The following LRRC40 variants were observed in gnomAD, a reference collection of about 807,000 sequenced individuals.
LRRC40 encodes the protein leucine-rich repeat-containing protein 40.
A neutral mutation model predicts 72.8 loss-of-function variants in LRRC40; 76 were observed. The observed-to-expected ratio is 1.04, with a 90% CI of 0.87 to 1.26. The LOEUF (loss-of-function observed/expected upper bound fraction) is 1.26, where lower values mean the gene tolerates loss of function less well. LRRC40 is among the 50% of genes most tolerant of loss of function. The pLI, the probability that LRRC40 is intolerant of heterozygous loss-of-function variation, is 0.00. For missense variants in LRRC40, 684 were observed against 698.9 expected (o/e 0.98, Z 0.24); for synonymous variants, 243 against 254.2 (o/e 0.96, Z 0.42).
At chr1:70,192,169 T>C (rs1433828651) in intron 1 of LRRC40, among the ~76,000 whole-genome samples, 1 of 152,148 alleles carries the variant, frequency 6.6e-6, no homozygotes, top group African/African-American at 2.4e-5. Context: ...TAATTCTCAT[T>C]GTAGAGATCT....
intron 1 of LRRC40, among the ~76,000 whole-genome samples, chr1:70,204,776 A>G (rs1408913679): frequency 1.3e-5 from 2 of 151,102 alleles, no homozygotes; most frequent in Non-Finnish European, 2.9e-5. Flanking sequence ...TCAGAAGAGC[A>G]TCTGGCCATT....
intron 11 of LRRC40, among the ~76,000 whole-genome samples, chr1:70,154,555 G>A (rs1318687825): frequency 6.6e-6 from 1 of 152,148 alleles, no homozygotes; most frequent in Non-Finnish European, 1.5e-5. Context: ...ATGGATTAGA[G>A]ATCCCTTTTG....
intron 11 of LRRC40, among the ~76,000 whole-genome samples, chr1:70,154,811 C>T (rs1005646598): frequency 1.3e-5 from 2 of 151,918 alleles, no homozygotes; most frequent in African/African-American, 4.8e-5. Flanking sequence ...TAGTTAAATG[C>T]TTTGTGTGGA....
chr1:70,193,783 C>T (rs942543412), intron 1 of LRRC40, among the ~76,000 whole-genome samples: 2 of 151,982 alleles, frequency 1.3e-5, no homozygotes, highest in Admixed American at 1.3e-4. Flanking sequence ...CTTAGGACTG[C>T]AAGGCTGGTT....
At chr1:70,147,497 T>C (rs947594521) in intron 14 of LRRC40, among the ~76,000 whole-genome samples, 8 of 152,186 alleles carry the variant, frequency 5.3e-5, no homozygotes, top group African/African-American at 1.9e-4. Context: ...AGTATCTTAC[T>C]ACAGAAACAC....
At chr1:70,151,048 T>G (rs1471911251) in intron 13 of LRRC40, 80 bp downstream of exon 13, 1 of 765,066 alleles carries the variant, frequency 1.3e-6, no homozygotes, top group Non-Finnish European at 2.2e-6. Flanking sequence ...GCCTTTTTGT[T>G]TTTTTGGCTT....
At chr1:70,200,673 T>C (rs1668717638) in intron 1 of LRRC40, among the ~76,000 whole-genome samples, 1 of 152,212 alleles carries the variant, frequency 6.6e-6, no homozygotes, top group Non-Finnish European at 1.5e-5. Flanking sequence ...TAGAACTATA[T>C]CTGGAAGAAA....
rs373673198 is a variant in LRRC40, at chr1:70,178,983, A to G, written c.672T>C (p.His224=). The part of the protein sequence containing the change: ...AEINRMKRLK[H]LDCNSNLLET... ...CCAAGAGATTTGAATTACAATCCAA[A>G]TGCTTCAACCCTGTAATATATATTC... The change falls in exon 6 of 15, where the codon CAT becomes CAC. Residue 224 remains histidine, a synonymous_variant. Transcript: ENST00000370952. 145 of 1,595,448 alleles carry G rather than the reference A, an allele frequency of 9.1e-5. No individual in the cohort carries two copies. The highest frequency in any genetic ancestry group is 1.1e-4 in the Non-Finnish European group (134 of 1,169,042).
chr1:70,175,389 T>C (rs1668079905), intron 7 of LRRC40, among the ~76,000 whole-genome samples: 1 of 152,200 alleles, frequency 6.6e-6, no homozygotes, highest in Admixed American at 6.5e-5. Context: ...AGATTCTGAT[T>C]CATTAGCGTC....
Position 70,145,774 on chromosome 1 carries a change from G to A in LRRC40, c.*26C>T. 1 of 1,204,568 alleles carries A rather than the reference G, an allele frequency of 8.3e-7. No homozygotes were observed. The highest frequency in any genetic ancestry group is 1.2e-6 in the Non-Finnish European group (1 of 809,724). The allele number at this position is 1,204,568 out of a possible 1,614,324, so 74.6% of individuals were successfully genotyped here. A position where few individuals can be genotyped will look rare whatever the true frequency, so the allele number is the denominator to read the frequency against. On this transcript the variant is annotated 3_prime_UTR_variant, in exon 15 of 15. Coordinates refer to ENST00000370952, the MANE Select transcript of LRRC40 (RefSeq NM_017768.5). ...GAATTAACCAGGGTTAATAATACAT[G>A]ACAAGGGTTATAAAGCAACTCCATG...
rs115034977 is a variant in LRRC40, at chr1:70,149,921, A to T, written c.1517+1207T>A. 8.1e-3 allele frequency among the ~76,000 whole-genome samples: 1,227 copies of T among 152,022 alleles called. 17 individuals are homozygous for T. The highest frequency in any genetic ancestry group is 0.028 in the African/African-American group (1,156 of 41,478). On this transcript the variant is annotated intron_variant, in intron 13 of 14. Transcript: ENST00000370952. Reference sequence around the variant, plus strand: ...ATTAGCTGCTAATATTTTATTTTTTAAATTTTATTTATTTTTTGAGACAGA... The same window carrying T: ...ATTAGCTGCTAATATTTTATTTTTTTAATTTTATTTATTTTTTGAGACAGA...
chr1:70,177,047 A>G (rs1668122105), intron 6 of LRRC40, among the ~76,000 whole-genome samples: 1 of 152,158 alleles, frequency 6.6e-6, no homozygotes, highest in African/African-American at 2.4e-5. Context: ...AGGTGGAGAC[A>G]GGCGGATCAC....
intron 2 of LRRC40, among the ~76,000 whole-genome samples, chr1:70,187,799 C>A (rs1392874195): frequency 6.9e-6 from 1 of 145,494 alleles, no homozygotes; most frequent in Admixed American, 6.9e-5. Context: ...CCACTGCACT[C>A]CAGCCTGGGC....
At chr1:70,170,155 C>T (rs568351713) in intron 9 of LRRC40, among the ~76,000 whole-genome samples, 4 of 152,038 alleles carry the variant, frequency 2.6e-5, no homozygotes, top group African/African-American at 4.8e-5. Flanking sequence ...TTAAATCACA[C>T]GACCATCTCA....
rs193090296 is a variant in LRRC40, at chr1:70,175,520, T to C, written c.977+290A>G. 4.6e-5 allele frequency among the ~76,000 whole-genome samples: 7 copies of C among 152,240 alleles called. No individual in the cohort carries two copies. In the East Asian group the frequency reaches 1.2e-3, roughly 25 times the overall value. On this transcript the variant is annotated intron_variant, in intron 7 of 14. Transcript: ENST00000370952. ...CATTCCAGCGTTCTTAGAATTTAGT[T>C]CTAGGGGGTAACTAGAACTAAATTT...
intron 1 of LRRC40, among the ~76,000 whole-genome samples, chr1:70,195,535 AGAC>A (rs1668589435): frequency 6.6e-6 from 1 of 152,246 alleles, no homozygotes; most frequent in Admixed American, 6.5e-5. Flanking sequence ...AATATTTAAA[AGAC>A]TGAATACAAA....
At chr1:70,187,147 T>C (rs929733556) in intron 3 of LRRC40, 118 bp downstream of exon 3, 1 of 546,184 alleles carries the variant, frequency 1.8e-6, no homozygotes, top group Admixed American at 3.8e-5. Flanking sequence ...ATTCTTATTC[T>C]GCTTTAACTA....
chr1:70,173,404 CTAT>C, intron 9 of LRRC40, 58 bp downstream of exon 9: 1 of 1,171,524 alleles, frequency 8.5e-7, no homozygotes, highest in South Asian at 1.3e-5. Context: ...AATTTATGTA[CTAT>C]TAATTCTTCA....
intron 9 of LRRC40, among the ~76,000 whole-genome samples, chr1:70,165,586 C>A (rs879245364): frequency 6.6e-6 from 1 of 152,008 alleles, no homozygotes; most frequent in Non-Finnish European, 1.5e-5. Context: ...ATCAAATGAT[C>A]GGCACTGTTT....
Sources: gnomAD v4.1 joint callset for allele counts (sites outside exome capture counted in the v4.1 genomes callset) on GRCh38, gnomAD v4.1.1 for gene constraint, MANE v1.5 for transcripts, NCBI Gene and HGNC (gene_info 2026-07-23, HGNC 2026-07-21) for gene names.